ASXL2: variants seen among roughly 807,000 people sequenced by gnomAD.
The protein encoded by ASXL2 is putative Polycomb group protein ASXL2.
ASXL2 carries 23 observed loss-of-function variants against 122.0 expected under a neutral mutation model. The ratio of observed to expected loss-of-function variants is 0.19; its 90% CI spans 0.14 to 0.27. The LOEUF (loss-of-function observed/expected upper bound fraction) is 0.27, where lower values mean the gene tolerates loss of function less well. ASXL2 is among the 10% of genes least tolerant of loss of function. The probability of loss-of-function intolerance (pLI) is 1.00; values close to 1 mark genes in which losing one functional copy is unlikely to be tolerated. For synonymous variants in ASXL2, 650 were observed against 637.0 expected (o/e 1.02, Z -0.31); for missense variants, 1,518 against 1,713.8 (o/e 0.89, Z 2.02).
intron 2 of ASXL2, among the ~76,000 whole-genome samples, chr2:25,841,597 T>C (rs1308615911): frequency 2.0e-5 from 3 of 151,840 alleles, no homozygotes; most frequent in Non-Finnish European, 2.9e-5. Flanking sequence ...CTGTAATCCC[T>C]GTACTTTGGG....
At chr2:25,781,069 A>AG (rs2088627477) in intron 5 of ASXL2, among the ~76,000 whole-genome samples, 1 of 151,932 alleles carries the variant, frequency 6.6e-6, no homozygotes, top group East Asian at 1.9e-4. Flanking sequence ...CAAAAAAAAA[A>AG]AAAAAAAGAA....
chr2:25,820,200 C>A (rs1179179801), intron 3 of ASXL2, among the ~76,000 whole-genome samples: 1 of 152,120 alleles, frequency 6.6e-6, no homozygotes, highest in Non-Finnish European at 1.5e-5. Context: ...TAGGTGTGAA[C>A]CACTGCATCA....
At chr2:25,875,043 GCAC>G (rs2089999332) in intron 1 of ASXL2, among the ~76,000 whole-genome samples, 1 of 152,198 alleles carries the variant, frequency 6.6e-6, no homozygotes, top group African/African-American at 2.4e-5. Context: ...TCGTGGCAGT[GCAC>G]TCCAGCTTGG....
At chr2:25,778,260 C>T (rs1046582707) in intron 5 of ASXL2, among the ~76,000 whole-genome samples, 17 of 152,082 alleles carry the variant, frequency 1.1e-4, no homozygotes, top group Admixed American at 8.5e-4. Context: ...ATCCTAAAGC[C>T]AAAGACAAGT....
chr2:25,810,605 G>A, intron 3 of ASXL2: 1 of 771,956 alleles, frequency 1.3e-6, no homozygotes, highest in African/African-American at 1.7e-5. Flanking sequence ...GCCTGCTGCT[G>A]CAGAACCTGG....
rs141646399 is a variant in ASXL2 at position 25,779,362 on chromosome 2, T to A, written c.404-7822A>T. Among the ~76,000 whole-genome samples the A allele has an allele frequency of 6.6e-5, 10 of 152,254 alleles. No individual in the cohort carries two copies. The East Asian group carries it at 1.9e-3, about 29-fold the overall frequency. On this transcript the variant is annotated intron_variant, in intron 5 of 12. Transcript: ENST00000435504. ...ATCCACCTGCTTCAGCCTCCCAAAG[T>A]GCTGGGATTACAGACATGAGCCACC...
chr2:25,768,569 T>C (rs966688530), intron 7 of ASXL2, among the ~76,000 whole-genome samples, 173 bp downstream of exon 7: 3 of 152,188 alleles, frequency 2.0e-5, no homozygotes, highest in Non-Finnish European at 2.9e-5. Flanking sequence ...CATGATTATT[T>C]TGCACACAAC....
At chr2:25,792,383 C>T (rs2088848547) in intron 5 of ASXL2, among the ~76,000 whole-genome samples, 1 of 152,174 alleles carries the variant, frequency 6.6e-6, no homozygotes, top group Non-Finnish European at 1.5e-5. Flanking sequence ...AGGATTATAA[C>T]TTTATCCTCC....
chr2:25,810,366 C>A, intron 3 of ASXL2: 2 of 661,308 alleles, frequency 3.0e-6, no homozygotes, highest in Non-Finnish European at 5.6e-6. Context: ...CTTTTAAGGT[C>A]CAGTTTTTAA....
intron 4 of ASXL2, among the ~76,000 whole-genome samples, chr2:25,804,340 G>C (rs748511175): frequency 6.6e-6 from 1 of 152,232 alleles, no homozygotes; most frequent in Admixed American, 6.5e-5. Context: ...CACCTGGCTT[G>C]AGCAAGCTTA....
At chr2:25,790,770 C>CA (rs1300742637) in intron 5 of ASXL2, among the ~76,000 whole-genome samples, 4 of 140,682 alleles carry the variant, frequency 2.8e-5, no homozygotes, top group African/African-American at 1.0e-4. Flanking sequence ...ATGAAACAAA[C>CA]AAAAAAAGAG....
intron 2 of ASXL2, among the ~76,000 whole-genome samples, chr2:25,841,138 A>G (rs2089573751): frequency 6.6e-6 from 1 of 152,160 alleles, no homozygotes; most frequent in Non-Finnish European, 1.5e-5. Context: ...TACAAAAAAT[A>G]CGAAAATTAG....
chr2:25,762,153 A>G (rs761391931), intron 8 of ASXL2, among the ~76,000 whole-genome samples: 24 of 151,784 alleles, frequency 1.6e-4, no homozygotes, highest in Non-Finnish European at 3.4e-4. Flanking sequence ...AATTAAAGAC[A>G]TATCACATGT....
At chr2:25,782,381 C>T (rs944695052) in intron 5 of ASXL2, among the ~76,000 whole-genome samples, 135 of 151,946 alleles carry the variant, frequency 8.9e-4, no homozygotes, top group African/African-American at 3.2e-3. Context: ...CCCATCTCTA[C>T]TAAAAATATA....
intron 2 of ASXL2, among the ~76,000 whole-genome samples, chr2:25,837,733 C>T (rs1375497570): frequency 6.6e-6 from 1 of 151,884 alleles, no homozygotes; most frequent in Non-Finnish European, 1.5e-5. Flanking sequence ...GCCTGTGGTT[C>T]CAGCTACTAG....
intron 1 of ASXL2, among the ~76,000 whole-genome samples, chr2:25,869,522 A>G (rs950713903): frequency 4.6e-5 from 7 of 152,128 alleles, no homozygotes; most frequent in Non-Finnish European, 8.8e-5. Context: ...CTTGTCCACA[A>G]TAAAAAAAGT....
At chr2:25,864,027 A>C (rs377266059) in intron 1 of ASXL2, among the ~76,000 whole-genome samples, 3 of 151,868 alleles carry the variant, frequency 2.0e-5, no homozygotes, top group South Asian at 2.1e-4. Flanking sequence ...AAATACAATA[A>C]AATAAAATAA....
intron 1 of ASXL2, 130 bp from the exon 2 acceptor site, chr2:25,845,693 A>T (rs2089641172): frequency 3.0e-6 from 1 of 330,164 alleles, no homozygotes; most frequent in Non-Finnish European, 5.3e-6. Flanking sequence ...TACATATGCA[A>T]TTGTTTACTT....
At chr2:25,759,458 A>G in intron 9 of ASXL2, 24 bp downstream of exon 9, 7 of 1,608,158 alleles carry the variant, frequency 4.4e-6, no homozygotes, top group Non-Finnish European at 6.0e-6. Context: ...TATTTTTAAA[A>G]TCTTAAGGAG....
Sources: allele counts gnomAD v4.1 joint callset (sites outside exome capture counted in the v4.1 genomes callset), GRCh38; gene constraint gnomAD v4.1.1; transcripts MANE v1.5; gene names NCBI Gene and HGNC (gene_info 2026-07-23, HGNC 2026-07-21).